The following LRP2 variants were observed in gnomAD, a reference collection of about 807,000 sequenced individuals.
LRP2 encodes the protein LDL receptor related protein 2, also known as low-density lipoprotein receptor-related protein 2.
Under a neutral mutation model 531.0 loss-of-function variants are expected in LRP2, and 172 were observed. That is an observed-to-expected ratio of 0.32 (90% CI 0.29 to 0.37). The LOEUF is 0.37. Among genes scored for constraint, LRP2 ranks in the 10% least tolerant of loss-of-function variants. The pLI is 1.00. For missense variants in LRP2, 5,167 were observed against 5,868.3 expected (o/e 0.88, Z 3.90); for synonymous variants, 1,992 against 2,027.6 (o/e 0.98, Z 0.47).
intron 16 of LRP2, among the ~76,000 whole-genome samples, chr2:169,268,550 T>G (rs532648580): frequency 2.6e-5 from 4 of 152,258 alleles, no homozygotes; most frequent in East Asian, 3.9e-4. Flanking sequence ...TTTGACAAAA[T>G]TCAACAGCCC....
At chr2:169,164,721 T>C (rs1353346286) in intron 62 of LRP2, among the ~76,000 whole-genome samples, 1 of 152,194 alleles carries the variant, frequency 6.6e-6, no homozygotes, top group Non-Finnish European at 1.5e-5. Flanking sequence ...TTTAAGCCAT[T>C]GAAATGTTGC....
chr2:169,156,437 T>C, intron 64 of LRP2, 32 bp from the exon 65 acceptor site: 1 of 1,612,580 alleles, frequency 6.2e-7, no homozygotes, highest in East Asian at 2.2e-5. Context: ...ATACGCAACA[T>C]CTGTTCCCAT....
At chr2:169,165,279 A>T (rs551070608) in intron 62 of LRP2, among the ~76,000 whole-genome samples, 2 of 152,350 alleles carry the variant, frequency 1.3e-5, no homozygotes, top group Admixed American at 1.3e-4. Flanking sequence ...AGGCAAATTA[A>T]ATTGCCCAGA....
At chr2:169,348,939 A>C (rs1175000777) in intron 1 of LRP2, among the ~76,000 whole-genome samples, 1 of 152,144 alleles carries the variant, frequency 6.6e-6, no homozygotes, top group Admixed American at 6.5e-5. Context: ...AGGGGCCTCG[A>C]GGAATTAAGG....
intron 1 of LRP2, among the ~76,000 whole-genome samples, chr2:169,341,046 T>G (rs1685548515): frequency 6.6e-6 from 1 of 152,166 alleles, no homozygotes; most frequent in African/African-American, 2.4e-5. Flanking sequence ...AATGATTGTA[T>G]CTCATGGCAT....
chr2:169,168,770 T>G (rs191428503), intron 60 of LRP2, 94 bp from the exon 61 acceptor site: 6 of 1,336,614 alleles, frequency 4.5e-6, no homozygotes, highest in Non-Finnish European at 6.4e-6. Flanking sequence ...CTTGCCATTA[T>G]AGCCTGCTCT....
rs768025839 is a variant in LRP2, at chr2:169,145,924, C to T, written c.12812-1G>A. 6.2e-7 allele frequency: 1 copy of T among 1,613,980 alleles called. No individual in the cohort carries two copies. The highest frequency in any genetic ancestry group is 8.5e-7 in the Non-Finnish European group (1 of 1,179,928). ...ATGTCCAGGCTGTAAGGGTTCATTG[C>T]TGCTTACCCACAGGGGAAAAACAAA... is the stretch of plus-strand genomic sequence containing the variant. On this transcript the variant is annotated splice_acceptor_variant, in intron 69 of 78. Transcript: ENST00000649046. LOFTEE classifies it high-confidence loss of function.
chr2:169,225,232 G>A (rs772500202), intron 33 of LRP2, 78 bp downstream of exon 33: 83 of 1,451,042 alleles, frequency 5.7e-5, no homozygotes, highest in African/African-American at 2.7e-4. Flanking sequence ...CAAAATCCAC[G>A]TGAGATCTAT....
rs763926014 is a variant in LRP2 at position 169,169,687 on chromosome 2, T to A, written c.11497+15A>T. Reference sequence around the variant, plus strand: ...TCTCAGGTAAGCAGTACTACATATGTGTCTAGGGACTTACGACAATCAGCT... The same window carrying A: ...TCTCAGGTAAGCAGTACTACATATGAGTCTAGGGACTTACGACAATCAGCT... On this transcript the variant is annotated intron_variant, in intron 60 of 78. Transcript: ENST00000649046. The A allele has an allele frequency of 1.6e-5, 26 of 1,601,822 alleles. 2 individuals are homozygous for A. The Middle Eastern group carries it at 3.8e-3, about 235-fold the overall frequency.
intron 1 of LRP2, among the ~76,000 whole-genome samples, chr2:169,335,234 T>C (rs919193506): frequency 1.3e-5 from 2 of 152,234 alleles, no homozygotes; most frequent in African/African-American, 4.8e-5. Flanking sequence ...TTTTTATTAT[T>C]TTGTCCATTG....
At chr2:169,302,689 G>A (rs1684314819) in intron 4 of LRP2, among the ~76,000 whole-genome samples, 1 of 151,860 alleles carries the variant, frequency 6.6e-6, no homozygotes, top group Non-Finnish European at 1.5e-5. Flanking sequence ...AGGACATCAG[G>A]GGACACAATG....
intron 12 of LRP2, 74 bp downstream of exon 12, chr2:169,279,298 G>A: frequency 9.4e-7 from 1 of 1,063,008 alleles, no homozygotes; most frequent in Non-Finnish European, 1.5e-6. Flanking sequence ...GATTAATCCA[G>A]TAGATGTTCA....
At chr2:169,282,686 T>G in intron 10 of LRP2, among the ~76,000 whole-genome samples, 187 bp downstream of exon 10, 1 of 152,332 alleles carries the variant, frequency 6.6e-6, no homozygotes, top group Non-Finnish European at 1.5e-5. Context: ...AAATTGGTCC[T>G]TAATAATCAA....
chr2:169,340,518 G>A (rs565226467), intron 1 of LRP2, among the ~76,000 whole-genome samples: 18 of 152,176 alleles, frequency 1.2e-4, no homozygotes, highest in Admixed American at 2.6e-4. Flanking sequence ...GTAGTGTTGT[G>A]TGGGACTTCT....
intron 37 of LRP2, among the ~76,000 whole-genome samples, chr2:169,210,685 T>C (rs999136180): frequency 7.2e-5 from 11 of 152,250 alleles, no homozygotes; most frequent in African/African-American, 2.7e-4. Context: ...ATATTCCCAG[T>C]GCAGTGCATG....
At chr2:169,191,057 C>G (rs1345730857) in intron 48 of LRP2, among the ~76,000 whole-genome samples, 1 of 152,172 alleles carries the variant, frequency 6.6e-6, no homozygotes, top group Non-Finnish European at 1.5e-5. Context: ...TCTGTTTGAT[C>G]CACACAGTGT....
chr2:169,205,436 A>G, intron 41 of LRP2, 43 bp downstream of exon 41: 1 of 1,609,244 alleles, frequency 6.2e-7, no homozygotes, highest in Non-Finnish European at 8.5e-7. Flanking sequence ...AATGGAAGAA[A>G]AACCTCTTCT....
At chr2:169,173,016 T>G in intron 57 of LRP2, 80 bp downstream of exon 57, 1 of 1,536,632 alleles carries the variant, frequency 6.5e-7, no homozygotes, top group Admixed American at 1.7e-5. Flanking sequence ...GGAAATACAC[T>G]CTCATCTCTC....
chr2:169,132,001 A>AT (rs1271102416), intron 77 of LRP2, among the ~76,000 whole-genome samples: 4 of 152,172 alleles, frequency 2.6e-5, no homozygotes, highest in African/African-American at 9.7e-5. Context: ...ATCTAGTGGC[A>AT]TTTTTTTCTT....
Sources: allele counts gnomAD v4.1 joint callset (sites outside exome capture counted in the v4.1 genomes callset), GRCh38; gene constraint gnomAD v4.1.1; transcripts MANE v1.5; gene names NCBI Gene and HGNC (gene_info 2026-07-23, HGNC 2026-07-21).